Variants in MFSD6 observed in about 807,000 individuals in gnomAD.
The protein encoded by MFSD6 is major facilitator superfamily domain containing 6, also known as major facilitator superfamily domain-containing protein 6.
Under a neutral mutation model 56.3 loss-of-function variants are expected in MFSD6, and 26 were observed. That is an observed-to-expected ratio of 0.46 (90% CI 0.34 to 0.64). The LOEUF (loss-of-function observed/expected upper bound fraction) is 0.64. Ranked by LOEUF, MFSD6 falls within the 30% of genes least tolerant of loss-of-function variation. MFSD6 has a pLI of 0.01. For synonymous variants in MFSD6, 331 were observed against 366.9 expected (o/e 0.90, Z 1.12); for missense variants, 750 against 986.2 (o/e 0.76, Z 3.21).
chr2:190,437,082 C>T lies in MFSD6; in HGVS notation c.1053C>T (p.Ile351=), dbSNP rs757586592. ...GCATCGGGATCGACTACACCCACAT[C>T]GAAGTGCTCATCGATGGAAAGGGGT... The part of the protein sequence containing the change: ...SVGIGIDYTH[I]EVLIDGKGCK... The change falls in exon 3 of 8, where the codon ATC becomes ATT. Residue 351 remains isoleucine (I), a synonymous_variant. Coordinates refer to ENST00000392328, the MANE Select transcript of MFSD6 (RefSeq NM_017694.4). This position sits in a 1 kb window ranked among gnomAD's most constrained non-coding sequence, Gnocchi z 5.9. 23 of 1,614,210 alleles carry T rather than the reference C, an allele frequency of 1.4e-5. No homozygotes were observed. The highest frequency in any genetic ancestry group is 2.2e-5 in the East Asian group (1 of 44,886).
At position 190,417,986 on chromosome 2, in the gene MFSD6, GTGTGTGTGTGTGTGTA is replaced by G. The variant is rs1426723487; in HGVS notation, c.-54+2578_-54+2593del. On this transcript the variant is annotated intron_variant, in intron 2 of 7. Transcript: ENST00000392328. This position sits in a 1 kb window ranked among gnomAD's most constrained non-coding sequence, Gnocchi z 5.7. The stretch of plus-strand genomic sequence containing the variant: ...TAGTGGTGTGTGTGTGTGTGTGTGT[GTGTGTGTGTGTGTGTA>G]TGTGAGAGAGAGAGAGATGTGGTTT... Among the ~76,000 whole-genome samples, 1 of 151,344 alleles carries G rather than the reference GTGTGTGTGTGTGTGTA, an allele frequency of 6.6e-6. No individual in the cohort carries two copies. The highest frequency in any genetic ancestry group is 1.5e-5 in the Non-Finnish European group (1 of 67,862).
rs1439479750 is a variant in MFSD6 at position 190,489,362 on chromosome 2, T to C, written c.1793-406T>C. ...AACTACTCAGTCATCTATTAATATA[T>C]AAGGTGGGCCCCAGGAAATGCGTGC... On this transcript the variant is annotated intron_variant, in intron 5 of 7. Transcript: ENST00000392328. The surrounding 1 kb of genome is among the most constrained non-coding windows in gnomAD (Gnocchi z 6.6). 6.6e-6 allele frequency among the ~76,000 whole-genome samples: 1 copy of C among 152,182 alleles called. No homozygotes were observed. The highest frequency in any genetic ancestry group is 2.1e-4 in the South Asian group (1 of 4,824).
At position 190,411,914 on chromosome 2, in the gene MFSD6, G is replaced by C; in HGVS notation, c.-175-3378G>C. ...CTTCCTGGTCTTGCTAGTGGTGGCT[G>C]TCTTTGGAAGCATGATTGTTCTGTA... On this transcript the variant is annotated intron_variant, in intron 1 of 7. Transcript: ENST00000392328. The C allele has an allele frequency of 4.1e-6, 4 of 985,332 alleles. No individual in the cohort carries two copies. The South Asian group carries it at 1.4e-4, about 35-fold the overall frequency. The allele number at this position is 985,332 out of a possible 1,614,324, so 61.0% of individuals were successfully genotyped here.
chr2:190,478,031 G>A (rs888259490), intron 4 of MFSD6, among the ~76,000 whole-genome samples: 2 of 152,184 alleles, frequency 1.3e-5, no homozygotes, highest in African/African-American at 4.8e-5. Context: ...GCTAGGGCTT[G>A]AAGCATTTAT....
At chr2:190,474,874 A>C (rs953282352) in intron 4 of MFSD6, among the ~76,000 whole-genome samples, 1 of 152,234 alleles carries the variant, frequency 6.6e-6, no homozygotes, top group Non-Finnish European at 1.5e-5. Context: ...CACCATGATC[A>C]AGTGGGCTTC....
At chr2:190,474,173 AAC>A (rs201272856) in intron 4 of MFSD6, among the ~76,000 whole-genome samples, 35,006 of 151,782 alleles carry the variant, frequency 0.23, 4,910 homozygotes, top group South Asian at 0.34. Flanking sequence ...AGCAAGAGCA[AAC>A]ACATTCAAAA....
In MFSD6 at chr2:190,456,462, A is replaced by G. The variant is rs1687044903; in HGVS notation, c.1533-13296A>G. On this transcript the variant is annotated intron_variant, in intron 3 of 7. Transcript: ENST00000392328. This position sits in a 1 kb window ranked among gnomAD's most constrained non-coding sequence, Gnocchi z 5.4. ...GTGGAGCCGCATCAGGAATTGAGGAATGGAAAAGATCGGGGCTCCTTTCAA... is the reference window on the plus strand; with the variant it reads ...GTGGAGCCGCATCAGGAATTGAGGAGTGGAAAAGATCGGGGCTCCTTTCAA... Among the ~76,000 whole-genome samples the G allele has an allele frequency of 6.6e-6, 1 of 152,136 alleles. No individual in the cohort carries two copies. The highest frequency in any genetic ancestry group is 1.5e-5 in the Non-Finnish European group (1 of 68,014).
intron 3 of MFSD6, among the ~76,000 whole-genome samples, chr2:190,455,787 C>A (rs1574141508): frequency 6.6e-6 from 1 of 150,450 alleles, no homozygotes; most frequent in African/African-American, 2.4e-5. Context: ...ATTCCTGTCA[C>A]AAAAGAAAGG....
intron 2 of MFSD6, 89 bp from the exon 3 acceptor site, chr2:190,435,888 G>A: frequency 9.0e-7 from 1 of 1,114,046 alleles, no homozygotes; most frequent in Non-Finnish European, 1.2e-6. Context: ...ATTTTAGTTT[G>A]TAACTGCTTA....
At chr2:190,473,399 A>C (rs1237407311) in intron 4 of MFSD6, among the ~76,000 whole-genome samples, 2 of 152,220 alleles carry the variant, frequency 1.3e-5, no homozygotes, top group Admixed American at 1.3e-4. Context: ...AAGATCTACC[A>C]AGCAAATGGA....
chr2:190,478,758 A>AT (rs1390658273), intron 4 of MFSD6, among the ~76,000 whole-genome samples: 1 of 151,732 alleles, frequency 6.6e-6, no homozygotes, highest in Non-Finnish European at 1.5e-5. Context: ...GTCTTTCATC[A>AT]TTGGGCATCT....
chr2:190,414,234 A>G (rs575334004), intron 1 of MFSD6, among the ~76,000 whole-genome samples: 3 of 152,222 alleles, frequency 2.0e-5, no homozygotes, highest in South Asian at 4.1e-4. Context: ...ACGTTTGCCT[A>G]TGTAACAAAC....
rs185768714 is a variant in MFSD6, at chr2:190,471,589, G to C, written c.1630+1734G>C. Among the ~76,000 whole-genome samples, 793 of 152,264 alleles carry C rather than the reference G, an allele frequency of 5.2e-3. 1 individual carries two copies. Among genetic ancestry groups the C allele is most frequent in the Non-Finnish European group, 8.3e-3 (563 of 68,010 alleles). On this transcript the variant is annotated intron_variant, in intron 4 of 7. Coordinates refer to ENST00000392328, the MANE Select transcript of MFSD6 (RefSeq NM_017694.4). The surrounding 1 kb of genome is among the most constrained non-coding windows in gnomAD (Gnocchi z 4.7). ...GGCTTGAGTAGGTAAACAAAGCAGC[G>C]GCTGGGAAGCTTGAACTGGGTGGAG...
intron 4 of MFSD6, among the ~76,000 whole-genome samples, chr2:190,480,087 C>T (rs1688574358): frequency 6.6e-6 from 1 of 152,166 alleles, no homozygotes; most frequent in East Asian, 1.9e-4. Context: ...TGCTTGACCC[C>T]AAAAGGTTGA....
chr2:190,436,139 C>G lies in MFSD6; in HGVS notation c.110C>G (p.Ser37Trp). ...ATTTCCAGGGAACCAGAACCACCTT[C>G]GAATGAAACACCTTCCTCCACAGAA... is the stretch of plus-strand genomic sequence containing the variant. ...NGISREPEPP[S>W]NETPSSTETS... Residue 37 changes from serine (S) to tryptophan (W), a missense_variant, in exon 3 of 8, where the codon TCG becomes TGG. Coordinates refer to ENST00000392328, the MANE Select transcript of MFSD6 (RefSeq NM_017694.4). This position sits in a 1 kb window ranked among gnomAD's most constrained non-coding sequence, Gnocchi z 5.3. The G allele has an allele frequency of 6.2e-7, 1 of 1,614,182 alleles. No individual in the cohort carries two copies.
chr2:190,453,411 A>G lies in MFSD6; in HGVS notation c.1532+15850A>G, dbSNP rs776675782. Among the ~76,000 whole-genome samples, 108 of 152,248 alleles carry G rather than the reference A, an allele frequency of 7.1e-4. No individual in the cohort carries two copies. In the Middle Eastern group the frequency reaches 0.01, roughly 14 times the overall value. On this transcript the variant is annotated intron_variant, in intron 3 of 7. Transcript: ENST00000392328. ...ATTTAGAGAAAGGATGAAGTTGGAG[A>G]TGTCTTTCAGAAACATTGGCATGTA...
rs769105949 is a variant in MFSD6 at position 190,426,411 on chromosome 2, ACTTT to A, written c.-53-9563_-53-9560del. ...TTTTTTCTTCCATTTCTTTGCTGAG[ACTTT>A]CTGTTTTTTTTGTTTTGTTTCAAGC... On this transcript the variant is annotated intron_variant, in intron 2 of 7. Transcript: ENST00000392328. This position sits in a 1 kb window ranked among gnomAD's most constrained non-coding sequence, Gnocchi z 4.7. Among the ~76,000 whole-genome samples, 1 of 151,540 alleles carries A rather than the reference ACTTT, an allele frequency of 6.6e-6. No individual in the cohort carries two copies. Among genetic ancestry groups the A allele is most frequent in the Non-Finnish European group, 1.5e-5 (1 of 67,880 alleles).
rs1559140949 is a variant in MFSD6 at position 190,488,900 on chromosome 2, T to A, written c.1792+82T>A. ...AGCAATACCTCAATAAACAATCCAA[T>A]TATTACTGAAGATTGCCCAAAGCTA... On this transcript the variant is annotated intron_variant, in intron 5 of 7. Transcript: ENST00000392328. The surrounding 1 kb of genome is among the most constrained non-coding windows in gnomAD (Gnocchi z 6.4). 3 of 1,300,866 alleles carry A rather than the reference T, an allele frequency of 2.3e-6. No homozygotes were observed. Among genetic ancestry groups the A allele is most frequent in the Non-Finnish European group, 3.1e-6 (3 of 964,116 alleles). The allele number at this position is 1,300,866 out of a possible 1,614,324, so 80.6% of individuals were successfully genotyped here. A position where few individuals can be genotyped will look rare whatever the true frequency, so the allele number is the denominator to read the frequency against.
At chr2:190,493,546 C>T (rs1689486403) in intron 6 of MFSD6, among the ~76,000 whole-genome samples, 1 of 152,184 alleles carries the variant, frequency 6.6e-6, no homozygotes, top group African/African-American at 2.4e-5. Flanking sequence ...CAGATATTTA[C>T]AGAACATTCT....
Sources: allele counts gnomAD v4.1 joint callset (sites outside exome capture counted in the v4.1 genomes callset), GRCh38; gene constraint gnomAD v4.1.1; non-coding constraint Gnocchi (gnomAD v3.1); transcripts MANE v1.5; gene names NCBI Gene and HGNC (gene_info 2026-07-23, HGNC 2026-07-21).